CCDC33: variants seen among roughly 807,000 people sequenced by gnomAD.
CCDC33 encodes the protein coiled-coil domain containing 33.
A neutral mutation model predicts 91.9 loss-of-function variants in CCDC33; 94 were observed. The observed-to-expected ratio is 1.02, with a 90% CI of 0.87 to 1.21. The LOEUF (loss-of-function observed/expected upper bound fraction) is 1.21. CCDC33 is among the 50% of genes most tolerant of loss of function. The pLI is 0.00. For missense variants in CCDC33, 940 were observed against 935.5 expected (o/e 1.00, Z -0.06); for synonymous variants, 396 against 374.5 (o/e 1.06, Z -0.66).
chr15:74,315,244 C>A (rs2060068647), intron 11 of CCDC33, among the ~76,000 whole-genome samples: 1 of 152,216 alleles, frequency 6.6e-6, no homozygotes, highest in Non-Finnish European at 1.5e-5. Context: ...CTAAGCATGG[C>A]TATCAACATC....
At chr15:74,318,553 G>T in intron 11 of CCDC33, 1 of 697,138 alleles carries the variant, frequency 1.4e-6, no homozygotes, top group Non-Finnish European at 2.6e-6. Context: ...CAGTCCCTGG[G>T]GACCCATCCT....
intron 7 of CCDC33, among the ~76,000 whole-genome samples, chr15:74,277,403 C>T (rs1306655001): frequency 6.6e-6 from 1 of 152,176 alleles, no homozygotes; most frequent in Non-Finnish European, 1.5e-5. Flanking sequence ...GGAAATAAGG[C>T]GGTGGGCGTG....
chr15:74,312,531 G>A (rs1284924032), intron 11 of CCDC33, among the ~76,000 whole-genome samples: 1 of 152,086 alleles, frequency 6.6e-6, no homozygotes, highest in African/African-American at 2.4e-5. Flanking sequence ...TCCCTGCCCT[G>A]CCCCCGCACC....
chr15:74,243,897 A>G (rs1270726321), intron 1 of CCDC33, 88 bp from the exon 2 acceptor site: 20 of 1,412,812 alleles, frequency 1.4e-5, no homozygotes, highest in African/African-American at 1.4e-5. Context: ...GTGAGCCAAG[A>G]TGGCACCACT....
chr15:74,210,982 A>T (rs79817318), intron 2 of CCDC33, among the ~76,000 whole-genome samples: 7,940 of 152,262 alleles, frequency 0.052, 259 homozygotes, highest in East Asian at 0.16. Flanking sequence ...GCAAAGACAG[A>T]GCCTTAGCTA....
At position 74,289,474 on chromosome 15, in the gene CCDC33, G is replaced by C. The variant is rs188470174; in HGVS notation, c.1096-6280G>C. 3.3e-5 allele frequency among the ~76,000 whole-genome samples: 5 copies of C among 152,322 alleles called. 1 individual carries two copies. Among genetic ancestry groups the C allele is most frequent in the Admixed American group, 3.3e-4 (5 of 15,300 alleles). ...CATGCCCATAATCCCAACACTTTGG[G>C]AGGCCAAGGTGGACAGATCACTTGA... On this transcript the variant is annotated intron_variant, in intron 10 of 18. Coordinates refer to ENST00000398814, the MANE Select transcript of CCDC33 (RefSeq NM_025055.5).
Position 74,271,744 on chromosome 15 carries a change from C to T in CCDC33, c.588C>T (p.Pro196=), listed in dbSNP as rs769549499. ...TCAACGAGCCCCTGGCCAACAACCC[C>T]AACCCCATAGTGGTGATTGCCCGGG... is the stretch of plus-strand genomic sequence containing the variant. ...RGVNEPLANN[P]NPIVVIARVV... Residue 196 remains proline (P), a synonymous_variant, in exon 6 of 19, where the codon CCC becomes CCT. Transcript: ENST00000398814. 2 of 1,613,838 alleles carry T rather than the reference C, an allele frequency of 1.2e-6. No individual in the cohort carries two copies. The highest frequency in any genetic ancestry group is 2.7e-5 in the African/African-American group (2 of 74,932).
At chr15:74,307,562 C>T (rs1354893358) in intron 11 of CCDC33, among the ~76,000 whole-genome samples, 1 of 151,970 alleles carries the variant, frequency 6.6e-6, no homozygotes, top group Non-Finnish European at 1.5e-5. Flanking sequence ...ACTTGGAAGT[C>T]AGGAGCCTGG....
At chr15:74,257,227 G>C (rs1248441331) in intron 2 of CCDC33, among the ~76,000 whole-genome samples, 1 of 152,222 alleles carries the variant, frequency 6.6e-6, no homozygotes, top group African/African-American at 2.4e-5. Flanking sequence ...TCGCGTTGCT[G>C]AGAATAACAG....
chr15:74,332,140 AC>A (rs1021233893), intron 15 of CCDC33, among the ~76,000 whole-genome samples: 6 of 152,326 alleles, frequency 3.9e-5, no homozygotes, highest in South Asian at 2.1e-4. Flanking sequence ...ACCAGGTAAC[AC>A]CATATCAGGC....
intron 3 of CCDC33, among the ~76,000 whole-genome samples, chr15:74,263,514 G>A (rs190673942): frequency 2.0e-5 from 3 of 152,352 alleles, no homozygotes; most frequent in Non-Finnish European, 4.4e-5. Context: ...AACAGGAAGG[G>A]GAGCCTCCGT....
At chr15:74,271,455 T>G (rs1187338140) in intron 5 of CCDC33, among the ~76,000 whole-genome samples, 2 of 152,082 alleles carry the variant, frequency 1.3e-5, no homozygotes, top group Non-Finnish European at 2.9e-5. Flanking sequence ...AAGAGATCCA[T>G]TGGTAAATCC....
At chr15:74,272,653 G>A (rs1001334903) in intron 6 of CCDC33, 118 bp from the exon 7 acceptor site, 23 of 1,385,906 alleles carry the variant, frequency 1.7e-5, no homozygotes, top group Non-Finnish European at 2.1e-5. Context: ...GCCCGAACTC[G>A]GCGGGATCCC....
At chr15:74,278,390 G>A (rs2076504650) in intron 7 of CCDC33, among the ~76,000 whole-genome samples, 1 of 152,250 alleles carries the variant, frequency 6.6e-6, no homozygotes, top group Non-Finnish European at 1.5e-5. Flanking sequence ...GGAGCAGGAG[G>A]TGGGAGCGGC....
rs1567205326 is a variant in CCDC33 at position 74,211,178 on chromosome 15, CA to C, written n.237-967del. On this transcript the variant is annotated intron_variant and non_coding_transcript_variant, in intron 2 of 3. Transcript: ENST00000558645. Reference sequence around the variant, plus strand: ...GCACACACACACACACACACACACACACACCTCACTGCTTTTTCCCCCAAGA... The same window carrying C: ...GCACACACACACACACACACACACACCACCTCACTGCTTTTTCCCCCAAGA... 7.8e-4 allele frequency among the ~76,000 whole-genome samples: 115 copies of C among 147,272 alleles called. 1 individual carries two copies. Among genetic ancestry groups the C allele is most frequent in the African/African-American group, 2.7e-3 (111 of 40,646 alleles).
At chr15:74,295,265 C>T (rs916450172) in intron 10 of CCDC33, among the ~76,000 whole-genome samples, 1 of 152,198 alleles carries the variant, frequency 6.6e-6, no homozygotes, top group African/African-American at 2.4e-5. Context: ...CACATCCTAG[C>T]ATGGGCATTT....
intron 1 of CCDC33, among the ~76,000 whole-genome samples, chr15:74,207,416 A>T (rs1295608269): frequency 6.6e-6 from 1 of 152,084 alleles, no homozygotes; most frequent in Non-Finnish European, 1.5e-5. Context: ...ACACATCAGA[A>T]CCACTGCAAC....
chr15:74,261,281 A>G (rs902684953), intron 2 of CCDC33, among the ~76,000 whole-genome samples: 5 of 152,238 alleles, frequency 3.3e-5, no homozygotes, highest in African/African-American at 1.2e-4. Flanking sequence ...GCAAGGAGCC[A>G]GGTCACAGCG....
intron 11 of CCDC33, among the ~76,000 whole-genome samples, chr15:74,317,370 T>C (rs1214672849): frequency 6.6e-6 from 1 of 151,948 alleles, no homozygotes; most frequent in Non-Finnish European, 1.5e-5. Context: ...CAGACTCCAT[T>C]TCAAAAAAAG....
Sources: gnomAD v4.1 joint callset for allele counts (sites outside exome capture counted in the v4.1 genomes callset) on GRCh38, gnomAD v4.1.1 for gene constraint, MANE v1.5 for transcripts, NCBI Gene and HGNC (gene_info 2026-07-23, HGNC 2026-07-21) for gene names.